The following FAT3 variants were observed in gnomAD, a reference collection of about 807,000 sequenced individuals.
FAT3 encodes the protein FAT atypical cadherin 3, also known as protocadherin Fat 3.
In FAT3, 95 loss-of-function variants were observed where a neutral mutation model predicts 310.2. That is an observed-to-expected ratio of 0.31 (90% CI 0.26 to 0.36). The LOEUF (loss-of-function observed/expected upper bound fraction) is 0.36, where lower values mean the gene tolerates loss of function less well. Ranked by LOEUF, FAT3 falls within the 10% of genes least tolerant of loss-of-function variation. FAT3 has a pLI of 1.00. For synonymous variants in FAT3, 2,314 were observed against 2,192.9 expected, an observed-to-expected ratio of 1.06 and a Z score of -1.54; for missense variants, 5,408 against 5,715.6, an observed-to-expected ratio of 0.95 and a Z score of 1.74.
Position 92,414,239 on chromosome 11 carries a change from G to T in FAT3, c.3292+58835G>T, listed in dbSNP as rs74690999. 1.9e-4 allele frequency among the ~76,000 whole-genome samples: 29 copies of T among 152,150 alleles called. No individual in the cohort carries two copies. In the East Asian group the frequency reaches 5.6e-3, roughly 29 times the overall value. On this transcript the variant is annotated intron_variant, in intron 2 of 27. Coordinates refer to ENST00000525166, the MANE Select transcript of FAT3 (RefSeq NM_001367949.2). ...CTAAAAACAAGCTGAGAGAGATCAC[G>T]GACACCTGCCCCTTATCCCCACCCA... is the stretch of plus-strand genomic sequence containing the variant.
chr11:92,459,618 G>A lies in FAT3; in HGVS notation c.3293-65016G>A, dbSNP rs2135102931. Among the ~76,000 whole-genome samples the A allele has an allele frequency of 2.0e-5, 3 of 152,278 alleles. No individual in the cohort carries two copies. In the South Asian group the frequency reaches 6.2e-4, roughly 32 times the overall value. ...AGGTGTTTGGAAGTATTTGATGATAGAATGAAAAGTATTGCACAGATAATT... is the reference window on the plus strand; with the variant it reads ...AGGTGTTTGGAAGTATTTGATGATAAAATGAAAAGTATTGCACAGATAATT... On this transcript the variant is annotated intron_variant, in intron 2 of 27. Transcript: ENST00000525166.
At chr11:92,685,222 G>A (rs1481663397) in intron 3 of FAT3, among the ~76,000 whole-genome samples, 1 of 152,090 alleles carries the variant, frequency 6.6e-6, no homozygotes, top group Non-Finnish European at 1.5e-5. Flanking sequence ...AAAAACAAAA[G>A]AGGAATAAAA....
At chr11:92,715,241 TAAAA>T (rs760806391) in intron 4 of FAT3, among the ~76,000 whole-genome samples, 4 of 116,264 alleles carry the variant, frequency 3.4e-5, no homozygotes. Flanking sequence ...CCGTCTCCAC[TAAAA>T]AAAAAAAAAA....
At chr11:92,794,232 C>T (rs1947110324) in intron 9 of FAT3, among the ~76,000 whole-genome samples, 2 of 152,032 alleles carry the variant, frequency 1.3e-5, no homozygotes, top group Admixed American at 6.6e-5. Context: ...TTGGGTTCCA[C>T]AAATAATATA....
intron 15 of FAT3, among the ~76,000 whole-genome samples, chr11:92,836,348 T>C (rs546350863): frequency 6.6e-6 from 1 of 152,064 alleles, no homozygotes; most frequent in African/African-American, 2.4e-5. Context: ...AGGTAAAAAA[T>C]TAACATAAAA....
chr11:92,317,407 G>T (rs544921088), intron 1 of FAT3, among the ~76,000 whole-genome samples: 5 of 152,296 alleles, frequency 3.3e-5, no homozygotes, highest in African/African-American at 9.6e-5. Context: ...TCAGAAAGGG[G>T]GATTGGCTAA....
At chr11:92,840,788 G>T (rs760289642) in intron 18 of FAT3, 29 bp downstream of exon 18, 1 of 1,492,630 alleles carries the variant, frequency 6.7e-7, no homozygotes, top group Non-Finnish European at 9.0e-7. Context: ...TCTCCGTCGT[G>T]CTGTCTTTCT....
chr11:92,385,368 T>C (rs1002263599), intron 2 of FAT3, among the ~76,000 whole-genome samples: 1 of 152,074 alleles, frequency 6.6e-6, no homozygotes, highest in African/African-American at 2.4e-5. Flanking sequence ...AGAGTCTTAT[T>C]TTATTTTATT....
intron 1 of FAT3, among the ~76,000 whole-genome samples, chr11:92,313,979 T>A (rs918648568): frequency 6.6e-6 from 1 of 152,242 alleles, no homozygotes; most frequent in African/African-American, 2.4e-5. Context: ...TTTGATATGA[T>A]AAAATTCTCA....
intron 2 of FAT3, among the ~76,000 whole-genome samples, chr11:92,401,866 T>C (rs1465979684): frequency 6.6e-6 from 1 of 152,208 alleles, no homozygotes; most frequent in African/African-American, 2.4e-5. Flanking sequence ...CTCAGATTAA[T>C]AGAAATTCTC....
At chr11:92,317,456 T>C (rs1947494194) in intron 1 of FAT3, among the ~76,000 whole-genome samples, 1 of 152,174 alleles carries the variant, frequency 6.6e-6, no homozygotes, top group African/African-American at 2.4e-5. Context: ...GAGGCAGGGT[T>C]GGTTTGGTAG....
chr11:92,794,607 A>T (rs1278677499), intron 9 of FAT3, among the ~76,000 whole-genome samples: 1 of 152,206 alleles, frequency 6.6e-6, no homozygotes, highest in East Asian at 1.9e-4. Context: ...TTATCTTTTG[A>T]CCTCTACAGA....
intron 2 of FAT3, among the ~76,000 whole-genome samples, chr11:92,500,627 T>G (rs1362645884): frequency 1.3e-5 from 2 of 152,068 alleles, no homozygotes; most frequent in African/African-American, 2.4e-5. Flanking sequence ...GGTAATTTTT[T>G]CAAGTCAGAT....
chr11:92,677,934 A>G (rs1457192154), intron 3 of FAT3, among the ~76,000 whole-genome samples: 1 of 152,184 alleles, frequency 6.6e-6, no homozygotes, highest in Non-Finnish European at 1.5e-5. Flanking sequence ...TGCTTTCTAG[A>G]GGCTCCTCAT....
intron 1 of FAT3, among the ~76,000 whole-genome samples, chr11:92,315,537 A>AGAGATT (rs1555009477): frequency 2.1e-5 from 3 of 141,604 alleles, no homozygotes; most frequent in African/African-American, 8.3e-5. Flanking sequence ...AGAGAGAGAG[A>AGAGATT]GAGAGAGAGA....
At chr11:92,647,371 C>T (rs1289572006) in intron 3 of FAT3, among the ~76,000 whole-genome samples, 2 of 152,094 alleles carry the variant, frequency 1.3e-5, no homozygotes, top group Admixed American at 6.5e-5. Context: ...CTCCAAATGA[C>T]ATAATTGCTC....
chr11:92,295,033 A>G (rs1946813398), intron 1 of FAT3, among the ~76,000 whole-genome samples: 1 of 152,090 alleles, frequency 6.6e-6, no homozygotes, highest in African/African-American at 2.4e-5. Context: ...ATCATGAGCA[A>G]ACCTGAAATC....
chr11:92,312,358 C>T (rs1947328689), intron 1 of FAT3, among the ~76,000 whole-genome samples: 1 of 152,168 alleles, frequency 6.6e-6, no homozygotes, highest in African/African-American at 2.4e-5. Flanking sequence ...TCTGCTTCCT[C>T]TTTAGTTGAA....
intron 6 of FAT3, among the ~76,000 whole-genome samples, chr11:92,767,986 ACAT>A (rs1042890926): frequency 2.6e-5 from 4 of 152,110 alleles, no homozygotes; most frequent in Non-Finnish European, 4.4e-5. Context: ...CAAAATAGAA[ACAT>A]CATTGGTCCA....
Sources: allele counts gnomAD v4.1 joint callset (sites outside exome capture counted in the v4.1 genomes callset), GRCh38; gene constraint gnomAD v4.1.1; transcripts MANE v1.5; gene names NCBI Gene and HGNC (gene_info 2026-07-23, HGNC 2026-07-21).